The following ZNF385D variants were observed in gnomAD, a reference collection of about 807,000 sequenced individuals.
ZNF385D encodes zinc finger protein 659.
Under a neutral mutation model 35.8 loss-of-function variants are expected in ZNF385D, and 15 were observed. That is an observed-to-expected ratio of 0.42 (90% CI 0.28 to 0.64). The LOEUF (loss-of-function observed/expected upper bound fraction) is 0.64. Ranked by LOEUF, ZNF385D falls within the 30% of genes least tolerant of loss-of-function variation. ZNF385D has a pLI of 0.23. For synonymous variants in ZNF385D, 212 were observed against 186.8 expected (o/e 1.13, Z -1.10); for missense variants, 474 against 494.6 (o/e 0.96, Z 0.39).
intron 3 of ZNF385D, among the ~76,000 whole-genome samples, chr3:22,119,587 T>C (rs11710290): frequency 0.2 from 29,817 of 151,990 alleles, 3,256 homozygotes; most frequent in East Asian, 0.41. Flanking sequence ...TGAGTCACTG[T>C]CTCTCCCAAA....
intron 3 of ZNF385D, among the ~76,000 whole-genome samples, chr3:21,785,312 T>C (rs1227345941): frequency 1.3e-5 from 2 of 152,188 alleles, no homozygotes; most frequent in African/African-American, 2.4e-5. Context: ...TACATGCACA[T>C]TGAGAAATAA....
chr3:21,860,944 C>T (rs1297138663), intron 3 of ZNF385D, among the ~76,000 whole-genome samples: 1 of 152,120 alleles, frequency 6.6e-6, no homozygotes, highest in Non-Finnish European at 1.5e-5. Context: ...TTCTTTTAGT[C>T]TCTAGGCACA....
rs143987869 is a variant in ZNF385D, at chr3:21,785,989, C to G, written c.326-120961G>C. 3.2e-3 allele frequency among the ~76,000 whole-genome samples: 488 copies of G among 151,488 alleles called. 6 individuals carry two copies. Among genetic ancestry groups the G allele is most frequent in the African/African-American group, 0.011 (456 of 41,270 alleles). On this transcript the variant is annotated intron_variant, in intron 3 of 5. Coordinates refer to the ZNF385D transcript ENST00000494108. ...AGAAACAAAAGCAGGAAGTGTGGAGCATGTGACTTATCCCAAGTGCTGTTA... is the reference window on the plus strand; with the variant it reads ...AGAAACAAAAGCAGGAAGTGTGGAGGATGTGACTTATCCCAAGTGCTGTTA...
At chr3:21,438,238 T>C (rs576237841) in intron 4 of ZNF385D, among the ~76,000 whole-genome samples, 1 of 152,154 alleles carries the variant, frequency 6.6e-6, no homozygotes, top group African/African-American at 2.4e-5. Context: ...CTTTTTTGCC[T>C]CTCAGCTAGT....
chr3:21,738,021 C>A (rs1370574430), intron 1 of ZNF385D, among the ~76,000 whole-genome samples: 4 of 152,196 alleles, frequency 2.6e-5, no homozygotes, highest in Non-Finnish European at 5.9e-5. Flanking sequence ...GTTCCATGAA[C>A]AGGATTTTAT....
intron 6 of ZNF385D, 79 bp downstream of exon 6, chr3:21,425,413 A>T (rs1559436572): frequency 9.3e-6 from 13 of 1,394,802 alleles, no homozygotes; most frequent in Non-Finnish European, 1.2e-5. Context: ...AGACAGAAAT[A>T]AAAAGGAAGG....
intron 3 of ZNF385D, among the ~76,000 whole-genome samples, chr3:21,920,250 G>T (rs905181274): frequency 2.6e-5 from 4 of 152,110 alleles, no homozygotes. Context: ...TTTTGAGAGA[G>T]ATATTGTGAC....
At chr3:22,254,799 A>G (rs1433540369) in intron 2 of ZNF385D, among the ~76,000 whole-genome samples, 1 of 151,810 alleles carries the variant, frequency 6.6e-6, no homozygotes. Context: ...ACTAAGCAAA[A>G]TCGCAGTGCT....
intron 2 of ZNF385D, among the ~76,000 whole-genome samples, chr3:22,182,360 C>T (rs911510855): frequency 1.3e-5 from 2 of 152,048 alleles, no homozygotes; most frequent in African/African-American, 4.8e-5. Flanking sequence ...TCCCTAATCC[C>T]AAACATACTT....
intron 2 of ZNF385D, among the ~76,000 whole-genome samples, chr3:22,243,205 A>G (rs1699589924): frequency 6.6e-6 from 1 of 151,056 alleles, no homozygotes; most frequent in African/African-American, 2.5e-5. Flanking sequence ...CCCAATTTAA[A>G]AAAATGGGCA....
intron 2 of ZNF385D, among the ~76,000 whole-genome samples, chr3:22,246,075 T>A (rs181542165): frequency 9.9e-5 from 15 of 152,250 alleles, no homozygotes; most frequent in Non-Finnish European, 1.2e-4. Context: ...TCATAACAGA[T>A]GCTTGGATCA....
intron 1 of ZNF385D, among the ~76,000 whole-genome samples, chr3:21,688,921 T>A (rs1196920705): frequency 2.6e-5 from 4 of 152,102 alleles, no homozygotes; most frequent in Non-Finnish European, 2.9e-5. Flanking sequence ...CATACTACAA[T>A]ATATATGGAG....
rs1285088928 is a variant in ZNF385D, at chr3:21,960,026, A to C, written c.325+208791T>G. ...AGACTTCAAAAGCACAGCCTCCAAA[A>C]AAAAAAAAAAAAAGACAAATGGACT... On this transcript the variant is annotated intron_variant, in intron 3 of 5. Transcript: ENST00000494108. Among the ~76,000 whole-genome samples the C allele has an allele frequency of 2.1e-3, 315 of 150,234 alleles. 2 individuals carry two copies. The highest frequency in any genetic ancestry group is 3.5e-3 in the Non-Finnish European group (233 of 67,170).
At chr3:22,324,200 A>G (rs1365995413) in intron 2 of ZNF385D, among the ~76,000 whole-genome samples, 1 of 152,180 alleles carries the variant, frequency 6.6e-6, no homozygotes, top group African/African-American at 2.4e-5. Flanking sequence ...TGGTGCTCCT[A>G]ATAGGACACT....
intron 3 of ZNF385D, among the ~76,000 whole-genome samples, chr3:21,876,759 C>T (rs377610430): frequency 6.6e-6 from 1 of 151,696 alleles, no homozygotes; most frequent in East Asian, 1.9e-4. Context: ...AGTACAAAAT[C>T]TTTGAAAGAA....
intron 3 of ZNF385D, among the ~76,000 whole-genome samples, chr3:21,930,272 C>A: frequency 1.5e-5 from 2 of 131,090 alleles, no homozygotes; most frequent in African/African-American, 2.6e-5. Context: ...TTTTTTTATA[C>A]TGTACAAAAA....
intron 2 of ZNF385D, among the ~76,000 whole-genome samples, chr3:22,186,640 A>G (rs534705976): frequency 6.6e-6 from 1 of 152,264 alleles, no homozygotes; most frequent in Non-Finnish European, 1.5e-5. Flanking sequence ...GAGCTGGGTC[A>G]TAAGAATTTG....
intron 3 of ZNF385D, among the ~76,000 whole-genome samples, chr3:22,115,351 T>C (rs1702752156): frequency 6.6e-6 from 1 of 152,040 alleles, no homozygotes; most frequent in Admixed American, 6.6e-5. Flanking sequence ...TATAATACAA[T>C]AGGGAATGAC....
chr3:21,634,501 A>G (rs569117987), intron 2 of ZNF385D, among the ~76,000 whole-genome samples: 183 of 152,240 alleles, frequency 1.2e-3, no homozygotes, highest in Non-Finnish European at 2.1e-3. Flanking sequence ...ATAGCATTGT[A>G]TGCTACACAT....
Sources: allele counts gnomAD v4.1 joint callset (sites outside exome capture counted in the v4.1 genomes callset), GRCh38; gene constraint gnomAD v4.1.1; transcripts MANE v1.5; gene names NCBI Gene and HGNC (gene_info 2026-07-23, HGNC 2026-07-21).